Variants in GINS1 observed in about 807,000 individuals in gnomAD.
GINS1 encodes DNA replication complex GINS protein PSF1.
A neutral mutation model predicts 34.9 loss-of-function variants in GINS1; 26 were observed. The observed-to-expected ratio is 0.74, with a 90% confidence interval of 0.55 to 1.03. The LOEUF (loss-of-function observed/expected upper bound fraction) is 1.03, where lower values mean the gene tolerates loss of function less well. Among genes scored for constraint, GINS1 ranks in the 50% least tolerant of loss-of-function variants. The probability of loss-of-function intolerance (pLI) is 0.00; values close to 1 mark genes in which losing one functional copy is unlikely to be tolerated. For synonymous variants in GINS1, 97 were observed against 84.4 expected (o/e 1.15, Z -0.82); for missense variants, 235 against 237.9 (o/e 0.99, Z 0.08).
Position 25,447,966 on chromosome 20 carries a change from C to CA in GINS1, c.*1981dup, listed in dbSNP as rs1354900370. On this transcript the variant is annotated 3_prime_UTR_variant, in exon 7 of 7. Coordinates refer to ENST00000262460, the MANE Select transcript of GINS1 (RefSeq NM_021067.5). ...GGCCTATGGCAAAACTCCGTCTCTA[C>CA]AAAAAATAGAAAAAATTAGCCAGGT... 1.3e-5 allele frequency: 2 copies of CA among 152,172 alleles called. No homozygotes were observed. The highest frequency in any genetic ancestry group is 3.9e-4 in the East Asian group (2 of 5,184). The allele number at this position is 152,172 out of a possible 1,614,324, so 9.4% of individuals were successfully genotyped here.
At chr20:25,432,745 G>T (rs1045223627) in intron 5 of GINS1, among the ~76,000 whole-genome samples, 5 of 151,860 alleles carry the variant, frequency 3.3e-5, no homozygotes, top group African/African-American at 1.2e-4. Flanking sequence ...GGGATTACAG[G>T]CGTGAGCCAC....
chr20:25,423,934 A>C (rs2090375451), intron 4 of GINS1, among the ~76,000 whole-genome samples: 1 of 152,046 alleles, frequency 6.6e-6, no homozygotes, highest in Non-Finnish European at 1.5e-5. Flanking sequence ...GTAATCTTTT[A>C]GGAGCTATAT....
Position 25,441,760 on chromosome 20 carries a change from T to TAAA in GINS1, c.513_515dup (p.Lys171dup). On this transcript the variant is annotated inframe_insertion, in exon 6 of 7. Transcript: ENST00000262460. Reference sequence around the variant, plus strand: ...GTTGATGATGGCACTTCAGTCCTATTAAAAAAAAATAGCCAGGTATTTCTT... The same window carrying TAAA: ...GTTGATGATGGCACTTCAGTCCTATTAAAAAAAAAAAATAGCCAGGTATTTCTT... 1 of 1,496,512 alleles carries TAAA rather than the reference T, an allele frequency of 6.7e-7. No individual in the cohort carries two copies. Among genetic ancestry groups the TAAA allele is most frequent in the Non-Finnish European group, 9.2e-7 (1 of 1,085,792 alleles). 92.7% of individuals were successfully genotyped at this position (1,496,512 alleles called of 1,614,324 possible). A position where few individuals can be genotyped will look rare whatever the true frequency, so the allele number is the denominator to read the frequency against.
At chr20:25,434,845 C>T (rs1025896058) in intron 5 of GINS1, among the ~76,000 whole-genome samples, 2 of 152,192 alleles carry the variant, frequency 1.3e-5, no homozygotes, top group Non-Finnish European at 2.9e-5. Flanking sequence ...AATGTGGCGC[C>T]TTGAATGCTG....
chr20:25,436,754 T>C (rs1301261406), intron 5 of GINS1, among the ~76,000 whole-genome samples: 3 of 152,244 alleles, frequency 2.0e-5, no homozygotes, highest in Non-Finnish European at 4.4e-5. Flanking sequence ...TTTAAAACTC[T>C]TGTTGTAAAG....
chr20:25,417,226 G>T, intron 3 of GINS1, 24 bp downstream of exon 3: 1 of 1,185,208 alleles, frequency 8.4e-7, no homozygotes, highest in Non-Finnish European at 1.3e-6. Context: ...TTTTTGCTTG[G>T]GGTGGCAGGA....
At chr20:25,435,740 G>A (rs1314130666) in intron 5 of GINS1, among the ~76,000 whole-genome samples, 9 of 142,090 alleles carry the variant, frequency 6.3e-5, no homozygotes, top group African/African-American at 1.8e-4. Flanking sequence ...ACTCCAGCAC[G>A]GGCAACAGAG....
At chr20:25,409,026 T>C in intron 1 of GINS1, 2 of 985,056 alleles carry the variant, frequency 2.0e-6, no homozygotes, top group Non-Finnish European at 2.4e-6. Flanking sequence ...GAAGAGGTGA[T>C]ATATGAGCCT....
chr20:25,428,619 T>C (rs1288668156), intron 5 of GINS1, among the ~76,000 whole-genome samples: 3 of 151,478 alleles, frequency 2.0e-5, no homozygotes, highest in South Asian at 2.1e-4. Context: ...TTAGCCAGGA[T>C]GGTCTGGATC....
intron 6 of GINS1, among the ~76,000 whole-genome samples, chr20:25,445,254 G>A (rs916795029): frequency 2.0e-5 from 3 of 152,086 alleles, no homozygotes; most frequent in African/African-American, 7.2e-5. Context: ...GAGTGCAATG[G>A]CACAATCTCG....
intron 6 of GINS1, 31 bp downstream of exon 6, chr20:25,441,807 A>C: frequency 9.1e-7 from 1 of 1,100,188 alleles, no homozygotes; most frequent in Non-Finnish European, 1.4e-6. Flanking sequence ...CTTTACTTTA[A>C]ATCTTATGAG....
At chr20:25,427,979 C>T (rs1270059531) in intron 5 of GINS1, among the ~76,000 whole-genome samples, 1 of 147,792 alleles carries the variant, frequency 6.8e-6, no homozygotes, top group African/African-American at 2.5e-5. Flanking sequence ...TCAAGCGATT[C>T]TCCTGCCTCA....
intron 4 of GINS1, among the ~76,000 whole-genome samples, chr20:25,418,548 C>G (rs539469677): frequency 6.6e-6 from 1 of 152,266 alleles, no homozygotes; most frequent in South Asian, 2.1e-4. Flanking sequence ...GTCACTGAGG[C>G]AAAGAACTAG....
intron 6 of GINS1, among the ~76,000 whole-genome samples, chr20:25,443,726 C>T (rs2090495277): frequency 6.6e-6 from 1 of 151,870 alleles, no homozygotes; most frequent in Admixed American, 6.6e-5. Flanking sequence ...AGGTAATCCG[C>T]CCACCTCAGC....
chr20:25,416,004 A>G (rs1292268470), intron 2 of GINS1, among the ~76,000 whole-genome samples: 1 of 152,192 alleles, frequency 6.6e-6, no homozygotes, highest in Non-Finnish European at 1.5e-5. Context: ...TGGGGCACTC[A>G]AGAAACTGAC....
chr20:25,422,095 A>G (rs2090358994), intron 4 of GINS1, among the ~76,000 whole-genome samples: 1 of 152,094 alleles, frequency 6.6e-6, no homozygotes, highest in African/African-American at 2.4e-5. Flanking sequence ...AAACAGGCAC[A>G]TGCAAACACA....
chr20:25,410,709 C>T (rs2090279186), intron 1 of GINS1, among the ~76,000 whole-genome samples: 1 of 152,038 alleles, frequency 6.6e-6, no homozygotes, highest in Admixed American at 6.5e-5. Context: ...TTACAGGCGC[C>T]TGCCACCATG....
rs533580067 is a variant in GINS1 at position 25,424,383 on chromosome 20, A to G, written c.331-828A>G. 5.3e-4 allele frequency among the ~76,000 whole-genome samples: 80 copies of G among 152,348 alleles called. 1 individual carries two copies. Among genetic ancestry groups the G allele is most frequent in the African/African-American group, 1.9e-3 (79 of 41,582 alleles). On this transcript the variant is annotated intron_variant, in intron 4 of 6. Coordinates refer to ENST00000262460, the MANE Select transcript of GINS1 (RefSeq NM_021067.5). ...ATCTATAGATTGTTGACGTTATTAC[A>G]ATATTGAATCATCCAATCTGTGAAT...
chr20:25,414,695 C>T (rs1265815123), intron 2 of GINS1, among the ~76,000 whole-genome samples: 11 of 152,058 alleles, frequency 7.2e-5, no homozygotes, highest in East Asian at 3.9e-4. Context: ...AGGAGATCTC[C>T]ATCTTTAAAA....
Sources: allele counts gnomAD v4.1 joint callset (sites outside exome capture counted in the v4.1 genomes callset), GRCh38; gene constraint gnomAD v4.1.1; transcripts MANE v1.5; gene names NCBI Gene and HGNC (gene_info 2026-07-23, HGNC 2026-07-21).